The following EYS variants were observed in gnomAD, a reference collection of about 807,000 sequenced individuals.
EYS encodes the protein EGF-like photoreceptor maintenance factor.
In EYS, 250 loss-of-function variants were observed where a neutral mutation model predicts 282.1. The ratio of observed to expected loss-of-function variants is 0.89; its 90% CI spans 0.80 to 0.98. EYS has a LOEUF of 0.98. EYS is among the 50% of genes least tolerant of loss of function. The probability of loss-of-function intolerance (pLI) is 0.00; values close to 1 mark genes in which losing one functional copy is unlikely to be tolerated. For missense variants in EYS, 4,016 were observed against 3,709.0 expected (o/e 1.08, Z -2.15); for synonymous variants, 1,355 against 1,282.9 (o/e 1.06, Z -1.20).
intron 13 of EYS, among the ~76,000 whole-genome samples, chr6:65,054,961 A>T (rs901642736): frequency 6.9e-6 from 1 of 145,572 alleles, no homozygotes. Flanking sequence ...TTTTGGTTTT[A>T]GGTTTTCTTT....
chr6:64,867,898 C>T (rs1321844353), intron 19 of EYS, among the ~76,000 whole-genome samples: 1 of 151,472 alleles, frequency 6.6e-6, no homozygotes, highest in African/African-American at 2.4e-5. Context: ...AATGAACTTT[C>T]ATTAGACAAC....
chr6:64,807,117 A>C (rs1294032136), intron 22 of EYS, among the ~76,000 whole-genome samples: 1 of 152,156 alleles, frequency 6.6e-6, no homozygotes, highest in African/African-American at 2.4e-5. Flanking sequence ...ATTACACTGA[A>C]CAAAGTCATT....
intron 29 of EYS, among the ~76,000 whole-genome samples, chr6:64,367,304 G>A (rs1230556023): frequency 6.6e-6 from 1 of 151,984 alleles, no homozygotes; most frequent in Non-Finnish European, 1.5e-5. Context: ...GTCTTAAGGA[G>A]ATTCATAAGT....
At chr6:64,954,444 ACCCAAAG>A (rs1045459909) in intron 14 of EYS, among the ~76,000 whole-genome samples, 1 of 152,166 alleles carries the variant, frequency 6.6e-6, no homozygotes, top group Non-Finnish European at 1.5e-5. Context: ...ATAGTCTAAT[ACCCAAAG>A]CTTTTTCCCT....
intron 8 of EYS, among the ~76,000 whole-genome samples, chr6:65,371,330 C>T (rs1285355692): frequency 2.3e-4 from 35 of 151,534 alleles, no homozygotes; most frequent in South Asian, 2.1e-4. Context: ...ACTGGAGCAT[C>T]CATGAAGTAT....
At chr6:64,027,541 G>T (rs1769587999) in intron 33 of EYS, among the ~76,000 whole-genome samples, 1 of 152,192 alleles carries the variant, frequency 6.6e-6, no homozygotes, top group Admixed American at 6.5e-5. Flanking sequence ...GGAAAAGCAA[G>T]ATCAGAGAAA....
At chr6:65,452,324 A>T (rs187842970) in intron 5 of EYS, among the ~76,000 whole-genome samples, 2 of 143,918 alleles carry the variant, frequency 1.4e-5, no homozygotes, top group Admixed American at 1.5e-4. Flanking sequence ...AAGAACATGG[A>T]AAGATTTTTT....
At chr6:65,430,178 G>T (rs529934559) in intron 5 of EYS, among the ~76,000 whole-genome samples, 1 of 152,150 alleles carries the variant, frequency 6.6e-6, no homozygotes, top group South Asian at 2.1e-4. Context: ...TATCTACAAA[G>T]GAAAAACACG....
At chr6:65,432,614 G>T (rs1020994455) in intron 5 of EYS, among the ~76,000 whole-genome samples, 3 of 152,090 alleles carry the variant, frequency 2.0e-5, no homozygotes, top group Non-Finnish European at 4.4e-5. Flanking sequence ...GGGAGACCAG[G>T]TCCAAAAGGA....
chr6:65,427,015 T>A (rs1294629565), intron 5 of EYS, among the ~76,000 whole-genome samples: 3 of 152,048 alleles, frequency 2.0e-5, no homozygotes, highest in African/African-American at 7.2e-5. Context: ...TGTATATCTG[T>A]ATGTTTTTAA....
intron 22 of EYS, among the ~76,000 whole-genome samples, chr6:64,681,674 A>T (rs910081175): frequency 2.0e-5 from 3 of 152,092 alleles, no homozygotes; most frequent in Non-Finnish European, 4.4e-5. Flanking sequence ...CGGGCGCATC[A>T]CAAGGTCAGG....
Position 64,722,308 on chromosome 6 carries a change from G to T in EYS, c.3443+91070C>A, listed in dbSNP as rs574747709. Among the ~76,000 whole-genome samples, 68 of 151,842 alleles carry T rather than the reference G, an allele frequency of 4.5e-4. 1 individual carries two copies. In the South Asian group the frequency reaches 0.012, roughly 26 times the overall value. On this transcript the variant is annotated intron_variant, in intron 22 of 42. Coordinates refer to ENST00000503581, the MANE Select transcript of EYS (RefSeq NM_001142800.2). ...GACAGTTCAGAAATCAGAATCCTGG[G>T]CAGTAAAAAATGAGAAAAATATAAT...
chr6:64,588,443 C>A (rs550405591), intron 26 of EYS, among the ~76,000 whole-genome samples: 4 of 152,144 alleles, frequency 2.6e-5, no homozygotes, highest in Non-Finnish European at 5.9e-5. Context: ...ATAAGAAGCA[C>A]CTGCAGAAGA....
intron 12 of EYS, among the ~76,000 whole-genome samples, chr6:65,166,520 C>G (rs1312307840): frequency 6.6e-6 from 1 of 151,052 alleles, no homozygotes; most frequent in East Asian, 2.0e-4. Flanking sequence ...TATCCACATA[C>G]AAAATACTAA....
chr6:64,694,209 G>T (rs1770498194), intron 22 of EYS, among the ~76,000 whole-genome samples: 1 of 152,098 alleles, frequency 6.6e-6, no homozygotes, highest in Non-Finnish European at 1.5e-5. Context: ...TTATTTACCT[G>T]TAAATAGTAA....
chr6:65,443,230 G>A (rs1253685996), intron 5 of EYS, among the ~76,000 whole-genome samples: 1 of 151,536 alleles, frequency 6.6e-6, no homozygotes, highest in Non-Finnish European at 1.5e-5. Context: ...ACACATGTAT[G>A]TGAACATATA....
chr6:64,314,426 A>G (rs1338135205), intron 29 of EYS, among the ~76,000 whole-genome samples: 2 of 152,168 alleles, frequency 1.3e-5, no homozygotes, highest in Non-Finnish European at 2.9e-5. Flanking sequence ...CTCCCGCATA[A>G]TAATAGTGGG....
intron 37 of EYS, among the ~76,000 whole-genome samples, chr6:63,801,731 A>T (rs1346013249): frequency 6.6e-6 from 1 of 152,242 alleles, no homozygotes; most frequent in African/African-American, 2.4e-5. Context: ...GGACATTTTC[A>T]TGATGAAGTG....
In EYS at chr6:63,798,985, G is replaced by GTATATATATA. The variant is rs1211498823; in HGVS notation, c.7411+7204_7411+7205insTATATATATA. ...TGTGTATATATATATATGTATATGTGTGTATATATATATATATATATATAT... is the reference window on the plus strand; with the variant it reads ...TGTGTATATATATATATGTATATGTGTATATATATATGTATATATATATATATATATATAT... On this transcript the variant is annotated intron_variant, in intron 37 of 42. Coordinates refer to ENST00000503581, the MANE Select transcript of EYS (RefSeq NM_001142800.2). 6.0e-3 allele frequency among the ~76,000 whole-genome samples: 522 copies of GTATATATATA among 87,362 alleles called. 5 individuals carry two copies. Among genetic ancestry groups the GTATATATATA allele is most frequent in the African/African-American group, 0.012 (214 of 18,144 alleles). The allele number at this position is 87,362 out of a possible 152,430, so 57.3% of individuals were successfully genotyped here. A position where few individuals can be genotyped will look rare whatever the true frequency, so the allele number is the denominator to read the frequency against.
Sources: gnomAD v4.1 joint callset for allele counts (sites outside exome capture counted in the v4.1 genomes callset) on GRCh38, gnomAD v4.1.1 for gene constraint, MANE v1.5 for transcripts, NCBI Gene and HGNC (gene_info 2026-07-23, HGNC 2026-07-21) for gene names.